The following CRMP1 variants were observed in gnomAD, a reference collection of about 807,000 sequenced individuals.
CRMP1 encodes the protein collapsin response mediator protein 1.
CRMP1 carries 19 observed loss-of-function variants against 68.3 expected under a neutral mutation model. The ratio of observed to expected loss-of-function variants is 0.28; its 90% CI spans 0.19 to 0.41. CRMP1 has a LOEUF of 0.41. Among genes scored for constraint, CRMP1 ranks in the 10% least tolerant of loss-of-function variants. CRMP1 has a pLI of 1.00. For missense variants in CRMP1, 791 were observed against 967.4 expected, an observed-to-expected ratio of 0.82 and a Z score of 2.42; for synonymous variants, 439 against 399.6, an observed-to-expected ratio of 1.10 and a Z score of -1.18.
chr4:5,887,936 C>T lies in CRMP1; in HGVS notation c.381+4653G>A, dbSNP rs1468794785. On this transcript the variant is annotated intron_variant, in intron 1 of 13. Coordinates refer to ENST00000324989, the MANE Select transcript of CRMP1 (RefSeq NM_001014809.3). ...CTCTTTTGTTCGGCTCCGCATCCTC[C>T]CTGTCCACGCCATCCTCTGGCACAT... is the stretch of plus-strand genomic sequence containing the variant. 2.2e-4 allele frequency: 130 copies of T among 590,522 alleles called. No individual in the cohort carries two copies. The East Asian group carries it at 5.9e-3, about 27-fold the overall frequency. The allele number at this position is 590,522 out of a possible 1,614,324, so 36.6% of individuals were successfully genotyped here. A position where few individuals can be genotyped will look rare whatever the true frequency, so the allele number is the denominator to read the frequency against.
chr4:5,855,475 G>A lies in CRMP1; in HGVS notation c.820+668C>T, dbSNP rs73063630. 0.15 allele frequency among the ~76,000 whole-genome samples: 23,193 copies of A among 151,938 alleles called. 2,035 individuals carry two copies. Among genetic ancestry groups the A allele is most frequent in the African/African-American group, 0.24 (9,734 of 41,398 alleles). On this transcript the variant is annotated intron_variant, in intron 4 of 13. Transcript: ENST00000324989. This position sits in a 1 kb window ranked among gnomAD's most constrained non-coding sequence, Gnocchi z 4.9. ...TGTGTCTTCTGATCAGTTCCCCCCAGTTCGATGTAACACACACCATAAAGG... is the reference window on the plus strand; with the variant it reads ...TGTGTCTTCTGATCAGTTCCCCCCAATTCGATGTAACACACACCATAAAGG...
At chr4:5,887,704 G>A (rs1025587888) in intron 1 of CRMP1, 3 of 985,088 alleles carry the variant, frequency 3.0e-6, no homozygotes, top group African/African-American at 3.5e-5. Context: ...CCATCATGGC[G>A]CTGTCCCTAG....
Position 5,870,860 on chromosome 4 carries a change from C to A in CRMP1, c.382-4104G>T, listed in dbSNP as rs1714386754. On this transcript the variant is annotated intron_variant, in intron 1 of 13. Coordinates refer to ENST00000324989, the MANE Select transcript of CRMP1 (RefSeq NM_001014809.3). This position sits in a 1 kb window ranked among gnomAD's most constrained non-coding sequence, Gnocchi z 6.0. ...GCTCTGCACGTCCAGGAAGCACCCACAAGCTGGCGTGCATGTTTCCCCGGC... is the reference window on the plus strand; with the variant it reads ...GCTCTGCACGTCCAGGAAGCACCCAAAAGCTGGCGTGCATGTTTCCCCGGC... Among the ~76,000 whole-genome samples the A allele has an allele frequency of 6.6e-6, 1 of 152,156 alleles. No homozygotes were observed. The highest frequency in any genetic ancestry group is 1.9e-4 in the East Asian group (1 of 5,178).
Position 5,836,005 on chromosome 4 carries a change from C to T in CRMP1, c.1533G>A (p.Arg511=), listed in dbSNP as rs1293879756. ...CCGAGCCCACGGCAATCCGCCCTTT[C>T]CTTGGGTACAGGTTAAAGATCTTGG... ...NAAKIFNLYP[R]KGRIAVGSDA... is the part of the protein sequence containing the mutation. Residue 511 remains arginine (R), a synonymous_variant, in exon 11 of 14, where the codon AGG becomes AGA. Coordinates refer to ENST00000324989, the MANE Select transcript of CRMP1 (RefSeq NM_001014809.3). 6.2e-7 allele frequency: 1 copy of T among 1,607,610 alleles called. No individual in the cohort carries two copies. The highest frequency in any genetic ancestry group is 1.7e-5 in the Admixed American group (1 of 59,304).
At chr4:5,876,720 T>C (rs1363680562) in intron 1 of CRMP1, among the ~76,000 whole-genome samples, 3 of 152,166 alleles carry the variant, frequency 2.0e-5, no homozygotes, top group Non-Finnish European at 4.4e-5. Context: ...AACTTCAAGA[T>C]GATCGGTAGG....
chr4:5,825,528 G>A lies in CRMP1; in HGVS notation c.1935C>T (p.Ile645=). The change falls in exon 13 of 14, where the codon ATC becomes ATT. Residue 645 remains isoleucine, a synonymous_variant. Transcript: ENST00000324989. The surrounding 1 kb of genome is among the most constrained non-coding windows in gnomAD (Gnocchi z 4.4). ...TGAAGTTGGACTGGTGGAGGTTTCT[G>A]ATGGGTGGGGGCTGGTGTTTAGAAG... ...SSPSKHQPPP[I]RNLHQSNFSL... is the part of the protein sequence containing the mutation. 6.3e-7 allele frequency: 1 copy of A among 1,581,072 alleles called. No homozygotes were observed. The highest frequency in any genetic ancestry group is 8.6e-7 in the Non-Finnish European group (1 of 1,169,270).
chr4:5,837,678 T>TAAAATAAAATAAAATA (rs142096286), intron 9 of CRMP1, among the ~76,000 whole-genome samples: 6,119 of 125,796 alleles, frequency 0.049, 201 homozygotes, highest in African/African-American at 0.077. Context: ...TAAAATAAAA[T>TAAAATAAAATAAAATA]AAATAAAATA....
rs1577858260 is a variant in CRMP1, at chr4:5,890,876, T to G, written c.381+1713A>C. Among the ~76,000 whole-genome samples the G allele has an allele frequency of 6.6e-6, 1 of 152,070 alleles. No homozygotes were observed. Among genetic ancestry groups the G allele is most frequent in the South Asian group, 2.1e-4 (1 of 4,824 alleles). ...GCACAAAGCGCCCTCGCCTCCCTAG[T>G]ACTCCACCACGCTTTGAGGAAGGCC... is the stretch of plus-strand genomic sequence containing the variant. On this transcript the variant is annotated intron_variant, in intron 1 of 13. Coordinates refer to ENST00000324989, the MANE Select transcript of CRMP1 (RefSeq NM_001014809.3). The surrounding 1 kb of genome is among the most constrained non-coding windows in gnomAD (Gnocchi z 5.5).
rs554810509 is a variant in CRMP1, at chr4:5,870,379, G to T, written c.382-3623C>A. Among the ~76,000 whole-genome samples, 8 of 152,344 alleles carry T rather than the reference G, an allele frequency of 5.3e-5. No individual in the cohort carries two copies. Among genetic ancestry groups the T allele is most frequent in the African/African-American group, 1.9e-4 (8 of 41,582 alleles). On this transcript the variant is annotated intron_variant, in intron 1 of 13. Coordinates refer to ENST00000324989, the MANE Select transcript of CRMP1 (RefSeq NM_001014809.3). The surrounding 1 kb of genome is among the most constrained non-coding windows in gnomAD (Gnocchi z 6.0). Reference sequence around the variant, plus strand: ...GCCACACTGGAATCACAGCTTTGGTGTGTTACCCCACTGGCAGTGCAGGAC... The same window carrying T: ...GCCACACTGGAATCACAGCTTTGGTTTGTTACCCCACTGGCAGTGCAGGAC...
rs1278800904 is a variant in CRMP1, at chr4:5,860,100, C to T, written c.655+926G>A. Among the ~76,000 whole-genome samples, 1 of 152,112 alleles carries T rather than the reference C, an allele frequency of 6.6e-6. No individual in the cohort carries two copies. Among genetic ancestry groups the T allele is most frequent in the Non-Finnish European group, 1.5e-5 (1 of 68,046 alleles). ...GCACTGCTGGGGAGTGGTCTCACTG[C>T]CCGCAGTGTTTCCTTCCCTCCCCAA... On this transcript the variant is annotated intron_variant, in intron 3 of 13. Coordinates refer to ENST00000324989, the MANE Select transcript of CRMP1 (RefSeq NM_001014809.3). The surrounding 1 kb of genome is among the most constrained non-coding windows in gnomAD (Gnocchi z 4.2).
At chr4:5,822,295 G>A (rs944894879) in intron 13 of CRMP1, among the ~76,000 whole-genome samples, 1 of 152,228 alleles carries the variant, frequency 6.6e-6, no homozygotes, top group Non-Finnish European at 1.5e-5. Context: ...CACAGGTGTT[G>A]GGTGGGGAAG....
chr4:5,886,256 T>C (rs2152476386), intron 1 of CRMP1, among the ~76,000 whole-genome samples: 1 of 152,314 alleles, frequency 6.6e-6, no homozygotes, highest in African/African-American at 2.4e-5. Context: ...GAACCACCCA[T>C]TTGATTTCTC....
intron 1 of CRMP1, among the ~76,000 whole-genome samples, chr4:5,885,786 A>G (rs1402580399): frequency 6.6e-6 from 1 of 152,074 alleles, no homozygotes; most frequent in African/African-American, 2.4e-5. Flanking sequence ...AAACCCATTC[A>G]TCTCCTTCCC....
At chr4:5,822,540 A>G (rs1718818282) in intron 13 of CRMP1, among the ~76,000 whole-genome samples, 1 of 152,098 alleles carries the variant, frequency 6.6e-6, no homozygotes, top group South Asian at 2.1e-4. Flanking sequence ...ATCTTTCAAA[A>G]CCAACCATCC....
chr4:5,888,292 G>A lies in CRMP1; in HGVS notation c.381+4297C>T. The A allele has an allele frequency of 7.9e-7, 1 of 1,263,556 alleles. No individual in the cohort carries two copies. Among genetic ancestry groups the A allele is most frequent in the Non-Finnish European group, 1.0e-6 (1 of 998,270 alleles). 78.3% of individuals were successfully genotyped at this position (1,263,556 alleles called of 1,614,324 possible). ...GGCCCCCTCTGGCGCCCTCGGCCCG[G>A]CCGCTGACCTGCGGGGCTGTCTGAC... On this transcript the variant is annotated intron_variant, in intron 1 of 13. Coordinates refer to ENST00000324989, the MANE Select transcript of CRMP1 (RefSeq NM_001014809.3). This position sits in a 1 kb window ranked among gnomAD's most constrained non-coding sequence, Gnocchi z 6.4.
chr4:5,887,672 C>T (rs2152476958), intron 1 of CRMP1: 2 of 985,560 alleles, frequency 2.0e-6, no homozygotes, highest in Middle Eastern at 5.2e-4. Flanking sequence ...TTTTTAGCTG[C>T]GGGGAGGGGT....
intron 2 of CRMP1, among the ~76,000 whole-genome samples, chr4:5,862,556 C>T (rs113302951): frequency 2.0e-5 from 3 of 152,196 alleles, no homozygotes; most frequent in Non-Finnish European, 4.4e-5. Flanking sequence ...GTCTTCTAAG[C>T]GCATCACGGC....
In CRMP1 at chr4:5,889,939, T is replaced by C. The variant is rs1044338931; in HGVS notation, c.381+2650A>G. On this transcript the variant is annotated intron_variant, in intron 1 of 13. Transcript: ENST00000324989. This position sits in a 1 kb window ranked among gnomAD's most constrained non-coding sequence, Gnocchi z 4.5. Reference sequence around the variant, plus strand: ...ATTTTCCCATTTTACAGACAGGAAATTGAGGCTTACAGAGGTAAAATGATG... The same window carrying C: ...ATTTTCCCATTTTACAGACAGGAAACTGAGGCTTACAGAGGTAAAATGATG... 5.9e-6 allele frequency: 8 copies of C among 1,361,028 alleles called. No homozygotes were observed. In the African/African-American group the frequency reaches 1.0e-4, roughly 17 times the overall value. The allele number at this position is 1,361,028 out of a possible 1,614,324, so 84.3% of individuals were successfully genotyped here.
chr4:5,856,571 C>T (rs578026998), intron 3 of CRMP1, among the ~76,000 whole-genome samples: 8 of 151,900 alleles, frequency 5.3e-5, no homozygotes, highest in African/African-American at 1.9e-4. Context: ...CCACTACCAC[C>T]ACCATCATCA....
Sources: gnomAD v4.1 joint callset for allele counts (sites outside exome capture counted in the v4.1 genomes callset) on GRCh38, gnomAD v4.1.1 for gene constraint, Gnocchi (gnomAD v3.1) non-coding constraint, MANE v1.5 for transcripts, NCBI Gene and HGNC (gene_info 2026-07-23, HGNC 2026-07-21) for gene names.